KHDRBS2: variants seen among roughly 807,000 people sequenced by gnomAD.
The protein encoded by KHDRBS2 is KH domain-containing, RNA-binding, signal transduction-associated protein 2.
A neutral mutation model predicts 44.3 loss-of-function variants in KHDRBS2; 26 were observed. The observed-to-expected ratio is 0.59, with a 90% confidence interval of 0.43 to 0.81. The LOEUF (loss-of-function observed/expected upper bound fraction) is 0.81. Among genes scored for constraint, KHDRBS2 ranks in the 40% least tolerant of loss-of-function variants. The pLI, the probability that KHDRBS2 is intolerant of heterozygous loss-of-function variation, is 0.00. For missense variants in KHDRBS2, 476 were observed against 433.1 expected (o/e 1.10, Z -0.88); for synonymous variants, 194 against 151.1 (o/e 1.28, Z -2.08).
chr6:62,171,503 A>G (rs1295625949), intron 2 of KHDRBS2, among the ~76,000 whole-genome samples: 2 of 152,188 alleles, frequency 1.3e-5, no homozygotes, highest in Non-Finnish European at 2.9e-5. Flanking sequence ...CAACTTGGAA[A>G]ATGTATTTGA....
intron 6 of KHDRBS2, among the ~76,000 whole-genome samples, chr6:61,803,261 T>C (rs1370436927): frequency 6.6e-6 from 1 of 152,258 alleles, no homozygotes. Flanking sequence ...CTGTTGCCTA[T>C]GGAAACAATG....
intron 2 of KHDRBS2, among the ~76,000 whole-genome samples, chr6:62,056,942 C>A (rs941950889): frequency 6.6e-6 from 1 of 151,800 alleles, no homozygotes; most frequent in Non-Finnish European, 1.5e-5. Context: ...TATTTTTAAC[C>A]AATAATCAAA....
At chr6:61,817,406 G>C (rs2127246157) in intron 6 of KHDRBS2, among the ~76,000 whole-genome samples, 1 of 152,052 alleles carries the variant, frequency 6.6e-6, no homozygotes, top group South Asian at 2.1e-4. Context: ...TAGAAGAATG[G>C]CAATTATAGA....
chr6:61,816,712 G>T, intron 6 of KHDRBS2: 1 of 399,972 alleles, frequency 2.5e-6, no homozygotes. Flanking sequence ...TATTCTTAAA[G>T]AATAAATCTA....
chr6:61,732,146 TC>T (rs1228840466), intron 7 of KHDRBS2, among the ~76,000 whole-genome samples: 1 of 152,010 alleles, frequency 6.6e-6, no homozygotes, highest in African/African-American at 2.4e-5. Flanking sequence ...TCTCAATAAA[TC>T]TGACTTTGAA....
At chr6:61,553,719 A>C in the KHDRBS2 span, among the ~76,000 whole-genome samples, 3 of 152,252 alleles carry the variant, frequency 2.0e-5, no homozygotes, top group South Asian at 6.2e-4. Context: ...CATTAGTTTC[A>C]AAGAATTTCT....
At chr6:62,004,014 G>A (rs954511040) in intron 3 of KHDRBS2, among the ~76,000 whole-genome samples, 1 of 152,112 alleles carries the variant, frequency 6.6e-6, no homozygotes, top group African/African-American at 2.4e-5. Context: ...GTATGTAGAG[G>A]GAAATTTATA....
chr6:61,673,914 GA>G, the KHDRBS2 span, among the ~76,000 whole-genome samples: 2 of 150,342 alleles, frequency 1.3e-5, no homozygotes, highest in Admixed American at 1.3e-4. Flanking sequence ...CACAGAATTG[GA>G]AAAAACTACT....
At chr6:61,998,988 T>C (rs544391891) in intron 3 of KHDRBS2, among the ~76,000 whole-genome samples, 2 of 152,270 alleles carry the variant, frequency 1.3e-5, no homozygotes, top group South Asian at 4.1e-4. Flanking sequence ...TTCTAAAATT[T>C]GTGTTTTCTT....
chr6:61,565,604 C>T, the KHDRBS2 span, among the ~76,000 whole-genome samples: 2 of 151,938 alleles, frequency 1.3e-5, no homozygotes, highest in Non-Finnish European at 2.9e-5. Context: ...GCAAATCAAT[C>T]CACAATGAGA....
intron 1 of KHDRBS2, among the ~76,000 whole-genome samples, chr6:62,277,821 T>C: frequency 6.6e-6 from 1 of 152,242 alleles, no homozygotes; most frequent in Non-Finnish European, 1.5e-5. Flanking sequence ...TTGGAAGTAC[T>C]GTTATGAGTC....
chr6:62,277,407 T>C (rs1444899619), intron 1 of KHDRBS2, among the ~76,000 whole-genome samples: 1 of 152,160 alleles, frequency 6.6e-6, no homozygotes, highest in African/African-American at 2.4e-5. Context: ...AGTGGCGTGA[T>C]CTCGGCTCAC....
the KHDRBS2 span, among the ~76,000 whole-genome samples, chr6:61,608,332 ATGTG>A: frequency 0.23 from 35,065 of 150,772 alleles, 4,338 homozygotes; most frequent in South Asian, 0.35. Context: ...ATATATACAT[ATGTG>A]TGTGTGTGTG....
chr6:62,243,783 C>T (rs981505471), intron 1 of KHDRBS2, among the ~76,000 whole-genome samples: 2 of 152,014 alleles, frequency 1.3e-5, no homozygotes, highest in Admixed American at 6.6e-5. Flanking sequence ...GATGTCATCA[C>T]CAACACTGCA....
the KHDRBS2 span, among the ~76,000 whole-genome samples, chr6:61,599,420 T>C: frequency 1.3e-5 from 2 of 152,040 alleles, no homozygotes; most frequent in African/African-American, 2.4e-5. Context: ...TTGAATACCA[T>C]GGACATGAGT....
intron 6 of KHDRBS2, among the ~76,000 whole-genome samples, chr6:61,801,414 GC>G (rs1786252116): frequency 2.6e-5 from 4 of 152,112 alleles, no homozygotes; most frequent in Non-Finnish European, 5.9e-5. Context: ...GAAGGTGCTT[GC>G]ACTTAAGCTG....
chr6:61,677,493 A>G (rs1427876806), downstream of KHDRBS2, among the ~76,000 whole-genome samples: 4 of 151,924 alleles, frequency 2.6e-5, no homozygotes, highest in Non-Finnish European at 5.9e-5. Context: ...AATTGTTTTA[A>G]GAGTTTGAAT....
At chr6:62,186,325 G>C (rs1168898525) in intron 1 of KHDRBS2, among the ~76,000 whole-genome samples, 2 of 152,040 alleles carry the variant, frequency 1.3e-5, no homozygotes, top group Non-Finnish European at 2.9e-5. Flanking sequence ...ATAGCATTTG[G>C]TACACAATAA....
At chr6:61,607,822 G>A in the KHDRBS2 span, among the ~76,000 whole-genome samples, 1 of 152,050 alleles carries the variant, frequency 6.6e-6, no homozygotes, top group African/African-American at 2.4e-5. Context: ...CTGGTAGCTG[G>A]GATTACAGCT....
Sources: allele counts gnomAD v4.1 joint callset (sites outside exome capture counted in the v4.1 genomes callset), GRCh38; gene constraint gnomAD v4.1.1; transcripts MANE v1.5; gene names NCBI Gene and HGNC (gene_info 2026-07-23, HGNC 2026-07-21).